The following PDE8A variants were observed in gnomAD, a reference collection of about 807,000 sequenced individuals.
PDE8A encodes high affinity cAMP-specific and IBMX-insensitive 3',5'-cyclic phosphodiesterase 8A.
A neutral mutation model predicts 105.0 loss-of-function variants in PDE8A; 59 were observed. That is an observed-to-expected ratio of 0.56 (90% confidence interval 0.46 to 0.70). The LOEUF (loss-of-function observed/expected upper bound fraction) is 0.70, where lower values mean the gene tolerates loss of function less well. PDE8A is among the 30% of genes least tolerant of loss of function. The pLI is 0.00. For synonymous variants in PDE8A, 355 were observed against 371.9 expected (o/e 0.95, Z 0.52); for missense variants, 1,014 against 1,045.9 (o/e 0.97, Z 0.42).
chr15:85,061,431 GGT>G (rs1451273396), intron 1 of PDE8A, among the ~76,000 whole-genome samples: 1 of 151,874 alleles, frequency 6.6e-6, no homozygotes, highest in Non-Finnish European at 1.5e-5. Context: ...GTAGAGACGG[GGT>G]TTCACCATGT....
At chr15:85,013,040 C>CT (rs2080266963) in intron 1 of PDE8A, among the ~76,000 whole-genome samples, 1 of 152,192 alleles carries the variant, frequency 6.6e-6, no homozygotes, top group Non-Finnish European at 1.5e-5. Flanking sequence ...TTAAATGGAG[C>CT]TTTGTACTCT....
chr15:84,997,195 T>C (rs1312865063), intron 1 of PDE8A, among the ~76,000 whole-genome samples: 1 of 152,102 alleles, frequency 6.6e-6, no homozygotes, highest in Non-Finnish European at 1.5e-5. Flanking sequence ...TTCTCCATTA[T>C]GTTTTTTTTT....
At chr15:85,054,100 G>A (rs2081020372) in intron 1 of PDE8A, among the ~76,000 whole-genome samples, 1 of 151,848 alleles carries the variant, frequency 6.6e-6, no homozygotes, top group Non-Finnish European at 1.5e-5. Context: ...CTTTGGTTCT[G>A]TTTATATGCT....
chr15:85,073,455 C>T (rs1225336343), intron 3 of PDE8A, among the ~76,000 whole-genome samples: 3 of 152,150 alleles, frequency 2.0e-5, no homozygotes, highest in Non-Finnish European at 4.4e-5. Flanking sequence ...TCCTCCCTTC[C>T]ACTTTATCCT....
At chr15:85,090,918 G>C in intron 7 of PDE8A, 126 bp from the exon 8 acceptor site, 1 of 745,746 alleles carries the variant, frequency 1.3e-6, no homozygotes, top group Non-Finnish European at 2.3e-6. Context: ...CTGCCACGGT[G>C]AGGTCCAGGC....
chr15:85,123,285 A>T, intron 19 of PDE8A, 92 bp downstream of exon 19: 2 of 1,199,914 alleles, frequency 1.7e-6, no homozygotes, highest in Non-Finnish European at 2.4e-6. Context: ...CAGCCACAGA[A>T]GGGTTCCCTC....
intron 1 of PDE8A, among the ~76,000 whole-genome samples, chr15:85,037,876 A>G (rs867865418): frequency 6.6e-6 from 1 of 152,260 alleles, no homozygotes; most frequent in Non-Finnish European, 1.5e-5. Context: ...CATAATCTCT[A>G]TGGAAACAAA....
rs34376876 is a variant in PDE8A at position 85,097,206 on chromosome 15, C to T, written c.853-742C>T. Among the ~76,000 whole-genome samples, 1,221 of 152,150 alleles carry T rather than the reference C, an allele frequency of 8.0e-3. 10 individuals are homozygous for T. The highest frequency in any genetic ancestry group is 0.027 in the Middle Eastern group (8 of 294). ...TGGAGGAATTCATAACATTTTAGGA[C>T]GGTGACAAAACCCAGCTCCATCCTG... On this transcript the variant is annotated intron_variant, in intron 8 of 21. Transcript: ENST00000394553.
intron 20 of PDE8A, among the ~76,000 whole-genome samples, chr15:85,129,267 A>T (rs188807643): frequency 1.3e-5 from 2 of 152,306 alleles, no homozygotes; most frequent in Admixed American, 1.3e-4. Flanking sequence ...TCATGGAATG[A>T]GTTAGGAAGT....
At chr15:85,088,214 G>A (rs1485135758) in intron 6 of PDE8A, among the ~76,000 whole-genome samples, 4 of 152,052 alleles carry the variant, frequency 2.6e-5, no homozygotes, top group African/African-American at 7.2e-5. Flanking sequence ...TAGTAGAGAC[G>A]GGGTTTCACC....
intron 1 of PDE8A, among the ~76,000 whole-genome samples, chr15:85,030,800 C>T (rs1567238223): frequency 6.6e-6 from 1 of 152,214 alleles, no homozygotes; most frequent in Non-Finnish European, 1.5e-5. Flanking sequence ...CCTCAGCAGG[C>T]ATCACTCCAC....
At chr15:85,136,462 G>A (rs2082411675) in intron 20 of PDE8A, 72 bp from the exon 21 acceptor site, 2 of 1,511,056 alleles carry the variant, frequency 1.3e-6, no homozygotes, top group African/African-American at 1.4e-5. Context: ...AGCTCTTCCT[G>A]GGGGAGGGGC....
chr15:85,057,748 G>C (rs1248032626), intron 1 of PDE8A, among the ~76,000 whole-genome samples: 1 of 152,136 alleles, frequency 6.6e-6, no homozygotes, highest in Non-Finnish European at 1.5e-5. Context: ...TATCATGAAA[G>C]GATATTGAAT....
intron 2 of PDE8A, among the ~76,000 whole-genome samples, chr15:85,065,769 A>G (rs1296342950): frequency 6.6e-6 from 1 of 152,222 alleles, no homozygotes; most frequent in African/African-American, 2.4e-5. Context: ...GGGATGGAGC[A>G]CGGGTGCTCC....
Position 85,083,303 on chromosome 15 carries a change from A to T in PDE8A, c.547-253A>T, listed in dbSNP as rs1035264715. ...TGCTCTTAACGGAAGATGCTGAAAG[A>T]AAAGCCTTTTTTTTTTTTAAAAAAA... On this transcript the variant is annotated intron_variant, in intron 5 of 21. Transcript: ENST00000394553. 5.8e-5 allele frequency among the ~76,000 whole-genome samples: 8 copies of T among 137,430 alleles called. No homozygotes were observed. The East Asian group carries it at 1.5e-3, about 27-fold the overall frequency. The allele number at this position is 137,430 out of a possible 152,430, so 90.2% of individuals were successfully genotyped here. A position where few individuals can be genotyped will look rare whatever the true frequency, so the allele number is the denominator to read the frequency against.
intron 1 of PDE8A, among the ~76,000 whole-genome samples, chr15:85,055,188 A>C (rs1017838084): frequency 6.6e-6 from 1 of 151,952 alleles, no homozygotes; most frequent in African/African-American, 2.4e-5. Context: ...AGTTTGTTAT[A>C]ATTTCTGTTC....
chr15:85,005,221 C>G (rs931902980), intron 1 of PDE8A, among the ~76,000 whole-genome samples: 4 of 152,012 alleles, frequency 2.6e-5, no homozygotes, highest in African/African-American at 9.7e-5. Context: ...CTCAAATGAT[C>G]CTCTCACCTC....
intron 3 of PDE8A, among the ~76,000 whole-genome samples, chr15:85,075,248 G>A (rs1443526070): frequency 6.6e-6 from 1 of 152,152 alleles, no homozygotes; most frequent in Non-Finnish European, 1.5e-5. Flanking sequence ...AACTTTAGTC[G>A]AACAGTCTCT....
chr15:85,076,718 T>A lies in PDE8A; in HGVS notation c.492-15T>A, dbSNP rs1435261391. The A allele has an allele frequency of 3.9e-6, 6 of 1,542,566 alleles. No individual in the cohort carries two copies. In the Admixed American group the frequency reaches 1.0e-4, roughly 26 times the overall value. Reference sequence around the variant, plus strand: ...TAAAAACTATGTCTATGTTCTTTACTGTGTTATTTTGAAGGGTGGATAGAG... The same window carrying A: ...TAAAAACTATGTCTATGTTCTTTACAGTGTTATTTTGAAGGGTGGATAGAG... On this transcript the variant is annotated splice_polypyrimidine_tract_variant and intron_variant, in intron 4 of 21. Transcript: ENST00000394553.
Sources: allele counts gnomAD v4.1 joint callset (sites outside exome capture counted in the v4.1 genomes callset), GRCh38; gene constraint gnomAD v4.1.1; transcripts MANE v1.5; gene names NCBI Gene and HGNC (gene_info 2026-07-23, HGNC 2026-07-21).